Variants in KATNBL1 observed in about 807,000 individuals in gnomAD.
The protein encoded by KATNBL1 is KATNB1-like protein 1.
KATNBL1 carries 28 observed loss-of-function variants against 44.7 expected under a neutral mutation model. That is an observed-to-expected ratio of 0.63 (90% CI 0.46 to 0.86). The LOEUF (loss-of-function observed/expected upper bound fraction) is 0.86, where lower values mean the gene tolerates loss of function less well. Ranked by LOEUF, KATNBL1 falls within the 40% of genes least tolerant of loss-of-function variation. The pLI is 0.00. For synonymous variants in KATNBL1, 78 were observed against 114.9 expected (o/e 0.68, Z 2.06); for missense variants, 272 against 350.7 (o/e 0.78, Z 1.79).
At chr15:34,170,036 G>A (rs7497666) in intron 1 of KATNBL1, among the ~76,000 whole-genome samples, 18,488 of 152,154 alleles carry the variant, frequency 0.12, 1,236 homozygotes, top group Non-Finnish European at 0.15. Flanking sequence ...CACAAGACAC[G>A]GATGCCCTCT....
rs973639960 is a variant in KATNBL1, at chr15:34,159,590, C to T, written c.117+3970G>A. On this transcript the variant is annotated intron_variant, in intron 2 of 9. Transcript: ENST00000256544. ...GGGTGTTGCTTTCTCTTTACATTTC[C>T]CTAGGGTTTTTTAATTTTAACATGA... Among the ~76,000 whole-genome samples the T allele has an allele frequency of 1.8e-4, 27 of 152,040 alleles. 1 individual carries two copies.
chr15:34,167,124 G>C (rs549745155), intron 1 of KATNBL1, among the ~76,000 whole-genome samples: 50 of 152,298 alleles, frequency 3.3e-4, no homozygotes, highest in African/African-American at 1.2e-3. Flanking sequence ...TTAGGCTTCA[G>C]AAGGTCGGTA....
intron 1 of KATNBL1, chr15:34,166,226 CT>C (rs1311387245): frequency 6.6e-5 from 10 of 152,352 alleles, no homozygotes; most frequent in Admixed American, 5.9e-4. Context: ...ACGGGACACT[CT>C]AGCCCAGATA....
intron 1 of KATNBL1, among the ~76,000 whole-genome samples, chr15:34,200,257 CTTCTT>C (rs777952961): frequency 9.2e-5 from 14 of 151,520 alleles, no homozygotes; most frequent in Non-Finnish European, 1.8e-4. Context: ...CTCTCTCTCT[CTTCTT>C]TTTTTTTTGA....
intron 1 of KATNBL1, among the ~76,000 whole-genome samples, chr15:34,190,077 TG>T (rs1340325210): frequency 6.6e-6 from 1 of 152,066 alleles, no homozygotes. Flanking sequence ...CCTGAGTAGC[TG>T]GGACTACAGG....
rs1438187650 is a variant in KATNBL1, at chr15:34,181,806, A to C, written c.-14-18116T>G. Among the ~76,000 whole-genome samples the C allele has an allele frequency of 7.1e-4, 55 of 76,984 alleles. 1 individual carries two copies. The highest frequency in any genetic ancestry group is 1.2e-3 in the African/African-American group (17 of 14,344). 50.5% of individuals were successfully genotyped at this position (76,984 alleles called of 152,430 possible). ...TGTCCATATATATATCCATATATAT[A>C]CATATATACATGTCCATATATATCC... is the stretch of plus-strand genomic sequence containing the variant. On this transcript the variant is annotated intron_variant, in intron 1 of 9. Transcript: ENST00000256544.
At chr15:34,157,615 C>T (rs1435798789) in intron 2 of KATNBL1, among the ~76,000 whole-genome samples, 1 of 152,184 alleles carries the variant, frequency 6.6e-6, no homozygotes, top group Non-Finnish European at 1.5e-5. Context: ...AATAGAGCAA[C>T]TTACACAACA....
At chr15:34,205,795 G>A (rs1021214238) in intron 1 of KATNBL1, among the ~76,000 whole-genome samples, 1 of 152,056 alleles carries the variant, frequency 6.6e-6, no homozygotes, top group African/African-American at 2.4e-5. Context: ...ACTATTCTAC[G>A]CACTAGGGAA....
At chr15:34,176,561 T>C (rs1327095193) in intron 1 of KATNBL1, among the ~76,000 whole-genome samples, 1 of 152,156 alleles carries the variant, frequency 6.6e-6, no homozygotes, top group African/African-American at 2.4e-5. Context: ...GGAGTGGGAA[T>C]AATTGTATAT....
In KATNBL1 at chr15:34,178,799, G is replaced by A. The variant is rs950606911; in HGVS notation, c.-14-15109C>T. 3.9e-3 allele frequency among the ~76,000 whole-genome samples: 583 copies of A among 149,158 alleles called. 6 individuals carry two copies. The highest frequency in any genetic ancestry group is 0.014 in the African/African-American group (565 of 40,236). On this transcript the variant is annotated intron_variant, in intron 1 of 9. Coordinates refer to ENST00000256544, the MANE Select transcript of KATNBL1 (RefSeq NM_024713.3). ...AAAAGGATTTCACTGAAGGAGAGAAGAAGAGAAGGTAAACATGAGATTTTT... is the reference window on the plus strand; with the variant it reads ...AAAAGGATTTCACTGAAGGAGAGAAAAAGAGAAGGTAAACATGAGATTTTT...
At chr15:34,195,618 G>C (rs1056879382) in intron 1 of KATNBL1, among the ~76,000 whole-genome samples, 4 of 151,026 alleles carry the variant, frequency 2.6e-5, no homozygotes, top group African/African-American at 9.8e-5. Context: ...TTGAACCTGG[G>C]AGGTGGAGGT....
intron 2 of KATNBL1, among the ~76,000 whole-genome samples, chr15:34,158,259 A>T (rs543369192): frequency 1.3e-5 from 2 of 152,304 alleles, no homozygotes; most frequent in African/African-American, 4.8e-5. Flanking sequence ...CAGATGAGAG[A>T]GGTCTCTCAT....
At chr15:34,203,149 C>T (rs990046301) in intron 1 of KATNBL1, among the ~76,000 whole-genome samples, 1 of 152,132 alleles carries the variant, frequency 6.6e-6, no homozygotes, top group Non-Finnish European at 1.5e-5. Context: ...AATATCCCCC[C>T]TCTCAAATCT....
At chr15:34,193,667 C>T (rs1258408589) in intron 1 of KATNBL1, among the ~76,000 whole-genome samples, 1 of 151,122 alleles carries the variant, frequency 6.6e-6, no homozygotes, top group African/African-American at 2.4e-5. Flanking sequence ...GCCTGGGCAA[C>T]GTGGTGAAAC....
At chr15:34,173,594 A>G (rs933632276) in intron 1 of KATNBL1, among the ~76,000 whole-genome samples, 4 of 152,214 alleles carry the variant, frequency 2.6e-5, no homozygotes, top group African/African-American at 9.6e-5. Flanking sequence ...AACAGGATAT[A>G]TGGAAGGTAT....
rs191157686 is a variant in KATNBL1 at position 34,206,648 on chromosome 15, G to A, written c.-15+3303C>T. ...TCAACTAAAAATACAAAAATTACCC[G>A]GGCGTGGTGGTGGGTGCTTGTAATC... On this transcript the variant is annotated intron_variant, in intron 1 of 9. Coordinates refer to ENST00000256544, the MANE Select transcript of KATNBL1 (RefSeq NM_024713.3). Among the ~76,000 whole-genome samples the A allele has an allele frequency of 5.6e-3, 853 of 152,142 alleles. 8 individuals are homozygous for A. Among genetic ancestry groups the A allele is most frequent in the African/African-American group, 0.014 (596 of 41,524 alleles).
intron 1 of KATNBL1, among the ~76,000 whole-genome samples, chr15:34,192,026 G>T (rs576157297): frequency 7.7e-4 from 117 of 151,728 alleles, no homozygotes; most frequent in Non-Finnish European, 1.4e-3. Flanking sequence ...AGAATAGGGA[G>T]TATCAACGAA....
intron 1 of KATNBL1, among the ~76,000 whole-genome samples, chr15:34,199,322 A>T (rs888189513): frequency 1.3e-5 from 2 of 152,154 alleles, no homozygotes; most frequent in Non-Finnish European, 2.9e-5. Flanking sequence ...CTCGAGTCCC[A>T]GCTACTCTGG....
intron 1 of KATNBL1, among the ~76,000 whole-genome samples, chr15:34,198,894 TTC>T (rs1280725982): frequency 4.6e-5 from 7 of 152,238 alleles, no homozygotes; most frequent in African/African-American, 1.7e-4. Flanking sequence ...CAATGATACA[TTC>T]TGTTGACCTT....
Sources: allele counts gnomAD v4.1 joint callset (sites outside exome capture counted in the v4.1 genomes callset), GRCh38; gene constraint gnomAD v4.1.1; transcripts MANE v1.5; gene names NCBI Gene and HGNC (gene_info 2026-07-23, HGNC 2026-07-21).